The following YPEL4 variants were observed in gnomAD, a reference collection of about 807,000 sequenced individuals.
YPEL4 encodes the protein yippee like 4.
YPEL4 carries 5 observed loss-of-function variants against 16.3 expected under a neutral mutation model. That is an observed-to-expected ratio of 0.31 (90% CI 0.16 to 0.64). The LOEUF is 0.64. YPEL4 is among the 30% of genes least tolerant of loss of function. The pLI is 0.79. For synonymous variants in YPEL4, 61 were observed against 60.7 expected (o/e 1.00, Z -0.02); for missense variants, 127 against 170.0 (o/e 0.75, Z 1.41).
At chr11:57,646,130 C>A in intron 4 of YPEL4, 60 bp from the exon 5 acceptor site, 1 of 1,593,404 alleles carries the variant, frequency 6.3e-7, no homozygotes, top group South Asian at 1.1e-5. Flanking sequence ...GCCCCACTGT[C>A]ACCTGTATGG....
intron 3 of YPEL4, 171 bp downstream of exon 3, chr11:57,646,580 T>G: frequency 2.4e-6 from 3 of 1,229,042 alleles, no homozygotes; most frequent in Non-Finnish European, 3.5e-6. Flanking sequence ...TGATTTCAAT[T>G]CTCCCCCGGC....
chr11:57,645,770 T>C lies in YPEL4; in HGVS notation c.*211A>G, dbSNP rs1945723195. 1 of 572,314 alleles carries C rather than the reference T, an allele frequency of 1.7e-6. No homozygotes were observed. Among genetic ancestry groups the C allele is most frequent in the East Asian group, 2.8e-5 (1 of 35,156 alleles). 35.5% of individuals were successfully genotyped at this position (572,314 alleles called of 1,614,324 possible). ...CCCAGTTCTGTCTCTCCCTGACTGC[T>C]GCCCACTCCTGAGCCTTAACACCCC... On this transcript the variant is annotated 3_prime_UTR_variant, in exon 5 of 5. Coordinates refer to ENST00000300022, the MANE Select transcript of YPEL4 (RefSeq NM_145008.3).
chr11:57,646,680 T>G, intron 3 of YPEL4, 71 bp downstream of exon 3: 1 of 1,590,018 alleles, frequency 6.3e-7, no homozygotes, highest in Admixed American at 1.8e-5. Context: ...ATTCCCCCCT[T>G]TCTCCACAGA....
chr11:57,646,146 AC>A, intron 4 of YPEL4, 76 bp from the exon 5 acceptor site: 1 of 1,579,278 alleles, frequency 6.3e-7, no homozygotes. Context: ...TATGGCCCCC[AC>A]CCCAAGGGTC....
rs943478845 is a variant in YPEL4, at chr11:57,649,114, A to G, written c.-185+571T>C. On this transcript the variant is annotated intron_variant, in intron 1 of 4. Transcript: ENST00000300022. The stretch of plus-strand genomic sequence containing the variant: ...GCAAGTTGGGCAAATGACTGGAGAA[A>G]AAACAAAGGCAAGCCGAGTGCTGGG... The G allele has an allele frequency of 2.6e-5, 4 of 152,566 alleles. No individual in the cohort carries two copies. The East Asian group carries it at 5.8e-4, about 22-fold the overall frequency. The allele number at this position is 152,566 out of a possible 1,614,324, so 9.5% of individuals were successfully genotyped here. A position where few individuals can be genotyped will look rare whatever the true frequency, so the allele number is the denominator to read the frequency against.
At chr11:57,648,293 T>G (rs561258626) in intron 1 of YPEL4, 2 of 152,370 alleles carry the variant, frequency 1.3e-5, no homozygotes, top group African/African-American at 4.8e-5. Flanking sequence ...CAAACAGCAG[T>G]GACTCTGTGG....
In YPEL4 at chr11:57,645,975, A is replaced by T. The variant is rs1000703737; in HGVS notation, c.*6T>A. 6.2e-7 allele frequency: 1 copy of T among 1,613,360 alleles called. No individual in the cohort carries two copies. Among genetic ancestry groups the T allele is most frequent in the Non-Finnish European group, 8.5e-7 (1 of 1,179,674 alleles). ...GCGGAGGAAGGGCACACCCTGCCTG[A>T]GCCCCTCAGTCCCAGCCGTTGTCCT... On this transcript the variant is annotated 3_prime_UTR_variant, in exon 5 of 5. Transcript: ENST00000300022.
In YPEL4 at chr11:57,645,814, C is replaced by T. The variant is rs1590841281; in HGVS notation, c.*167G>A. The T allele has an allele frequency of 3.0e-6, 2 of 658,072 alleles. No homozygotes were observed. Among genetic ancestry groups the T allele is most frequent in the East Asian group, 5.5e-5 (2 of 36,594 alleles). The allele number at this position is 658,072 out of a possible 1,614,324, so 40.8% of individuals were successfully genotyped here. A position where few individuals can be genotyped will look rare whatever the true frequency, so the allele number is the denominator to read the frequency against. On this transcript the variant is annotated 3_prime_UTR_variant, in exon 5 of 5. Coordinates refer to ENST00000300022, the MANE Select transcript of YPEL4 (RefSeq NM_145008.3). ...ACACCCCTGGGGTACCCCCAGACCC[C>T]TGTTCTAAAGGGTGCCTGGTAGTGG...
Position 57,645,754 on chromosome 11 carries a change from GTC to G in YPEL4, c.*225_*226del. 3.6e-6 allele frequency: 2 copies of G among 551,266 alleles called. No individual in the cohort carries two copies. Among genetic ancestry groups the G allele is most frequent in the Non-Finnish European group, 6.5e-6 (2 of 309,970 alleles). The allele number at this position is 551,266 out of a possible 1,614,324, so 34.1% of individuals were successfully genotyped here. ...ACAACCATCCCTTTCCCCCAGTTCT[GTC>G]TCTCCCTGACTGCTGCCCACTCCTG... On this transcript the variant is annotated 3_prime_UTR_variant, in exon 5 of 5. Coordinates refer to ENST00000300022, the MANE Select transcript of YPEL4 (RefSeq NM_145008.3).
intron 4 of YPEL4, 99 bp downstream of exon 4, chr11:57,646,198 C>T: frequency 6.4e-7 from 1 of 1,571,552 alleles, no homozygotes; most frequent in Non-Finnish European, 8.7e-7. Flanking sequence ...TTTCTTTCCT[C>T]TTTGGACCAT....
rs1299466905 is a variant in YPEL4 at position 57,646,795 on chromosome 11, CTG to C, written c.142-3_142-2del. On this transcript the variant is annotated splice_acceptor_variant and splice_polypyrimidine_tract_variant and intron_variant, in intron 2 of 4. Transcript: ENST00000300022. LOFTEE classifies it high-confidence loss of function. ...CTCGGCCATGGCTCCCTTGGAAGGA[CTG>C]TGGAGACATAGGACAGACAATGACT... 1 of 1,613,948 alleles carries C rather than the reference CTG, an allele frequency of 6.2e-7. No homozygotes were observed.
chr11:57,646,628 A>C, intron 3 of YPEL4, 123 bp downstream of exon 3: 4 of 1,437,558 alleles, frequency 2.8e-6, no homozygotes, highest in Non-Finnish European at 3.8e-6. Context: ...CCCTCTTTGC[A>C]AAAGGGGAGG....
chr11:57,646,169 C>T, intron 4 of YPEL4, 99 bp from the exon 5 acceptor site: 1 of 1,563,994 alleles, frequency 6.4e-7, no homozygotes, highest in Non-Finnish European at 8.8e-7. Context: ...TCCACCTAGC[C>T]CAACCCAGTG....
At chr11:57,646,511 C>T (rs944165271) in intron 3 of YPEL4, 106 bp from the exon 4 acceptor site, 79 of 1,368,238 alleles carry the variant, frequency 5.8e-5, no homozygotes, top group Non-Finnish European at 7.3e-5. Flanking sequence ...TGGACAGCCC[C>T]TGCCTTTGAT....
In YPEL4 at chr11:57,646,372, G is replaced by A; in HGVS notation, c.219C>T (p.Arg73=). The A allele has an allele frequency of 1.2e-6, 2 of 1,614,132 alleles. No individual in the cohort carries two copies. Among genetic ancestry groups the A allele is most frequent in the South Asian group, 1.1e-5 (1 of 91,088 alleles). ...CCGAGTGGAGCCCCGTGAGCAAGAG[G>A]CGCTGTTCAGCTGGCCCGCAACCCA... ...VNVGCGPAEQ[R]LLLTGLHSVA... The change falls in exon 4 of 5, where the codon CGC becomes CGT. Residue 73 remains arginine (R), a synonymous_variant. Transcript: ENST00000300022.
rs1945723475 is a variant in YPEL4 at position 57,645,786 on chromosome 11, T to G, written c.*195A>C. The G allele has an allele frequency of 1.7e-6, 1 of 598,682 alleles. No homozygotes were observed. The highest frequency in any genetic ancestry group is 3.0e-6 in the Non-Finnish European group (1 of 338,682). 37.1% of individuals were successfully genotyped at this position (598,682 alleles called of 1,614,324 possible). On this transcript the variant is annotated 3_prime_UTR_variant, in exon 5 of 5. Transcript: ENST00000300022. ...CCTGACTGCTGCCCACTCCTGAGCC[T>G]TAACACCCCTGGGGTACCCCCAGAC...
chr11:57,646,982 A>T lies in YPEL4; in HGVS notation c.126T>A (p.Asp42Glu). The T allele has an allele frequency of 1.3e-6, 2 of 1,582,480 alleles. No homozygotes were observed. Among genetic ancestry groups the T allele is most frequent in the Non-Finnish European group, 1.7e-6 (2 of 1,163,388 alleles). ...CTTCGCGTACCTTGGAAATAAGCTC[A>T]TCGTGTTTGGCCAGGTGTGCACGGC... is the stretch of plus-strand genomic sequence containing the variant. Reference protein sequence around the residue: ...VHCRAHLAKHDELISKSFQGS... With the variant: ...VHCRAHLAKHEELISKSFQGS... The change falls in exon 2 of 5, where the codon GAT becomes GAA. Residue 42 changes from aspartate to glutamate, a missense_variant. Coordinates refer to ENST00000300022, the MANE Select transcript of YPEL4 (RefSeq NM_145008.3).
chr11:57,647,339 C>T lies in YPEL4; in HGVS notation c.-184-48G>A. Reference sequence around the variant, plus strand: ...CAGGGGAGCTGCGACCTCAGGAGGACCCCTCCTGAGGGAATGGAGGAAAAG... The same window carrying T: ...CAGGGGAGCTGCGACCTCAGGAGGATCCCTCCTGAGGGAATGGAGGAAAAG... On this transcript the variant is annotated intron_variant, in intron 1 of 4. Transcript: ENST00000300022. The surrounding 1 kb of genome is among the most constrained non-coding windows in gnomAD (Gnocchi z 4.2). 4.1e-6 allele frequency: 2 copies of T among 493,556 alleles called. No individual in the cohort carries two copies. The highest frequency in any genetic ancestry group is 3.5e-6 in the Non-Finnish European group (1 of 288,058). 30.6% of individuals were successfully genotyped at this position (493,556 alleles called of 1,614,324 possible).
Position 57,649,821 on chromosome 11 carries a change from T to C in YPEL4, c.-321A>G, listed in dbSNP as rs1484170884. The C allele has an allele frequency of 2.4e-5, 2 of 82,792 alleles. No homozygotes were observed. Among genetic ancestry groups the C allele is most frequent in the Non-Finnish European group, 4.7e-5 (2 of 42,798 alleles). 5.1% of individuals were successfully genotyped at this position (82,792 alleles called of 1,614,324 possible). ...ATGGGGGTGGGTGGGGGGAGGGTAGTTGGGGGCTCAAGACTGGGGCTGCAA... is the reference window on the plus strand; with the variant it reads ...ATGGGGGTGGGTGGGGGGAGGGTAGCTGGGGGCTCAAGACTGGGGCTGCAA... On this transcript the variant is annotated 5_prime_UTR_variant, in exon 1 of 5. Transcript: ENST00000300022.
Sources: gnomAD v4.1 joint callset for allele counts on GRCh38, gnomAD v4.1.1 for gene constraint, Gnocchi (gnomAD v3.1) non-coding constraint, MANE v1.5 for transcripts, NCBI Gene and HGNC (gene_info 2026-07-23, HGNC 2026-07-21) for gene names.